Variants in PRKN observed in about 807,000 individuals in gnomAD.
PRKN encodes the protein E3 ubiquitin-protein ligase parkin.
Under a neutral mutation model 59.5 loss-of-function variants are expected in PRKN, and 56 were observed. The observed-to-expected ratio is 0.94, with a 90% CI of 0.76 to 1.18. PRKN has a LOEUF of 1.18. Among genes scored for constraint, PRKN ranks in the 50% most tolerant of loss-of-function variants. PRKN has a pLI of 0.00. For synonymous variants in PRKN, 250 were observed against 222.1 expected, an observed-to-expected ratio of 1.13 and a Z score of -1.12; for missense variants, 657 against 596.4, an observed-to-expected ratio of 1.10 and a Z score of -1.06.
intron 2 of PRKN, among the ~76,000 whole-genome samples, chr6:162,434,745 C>G (rs1446379178): frequency 1.3e-5 from 2 of 152,028 alleles, no homozygotes; most frequent in African/African-American, 4.8e-5. Context: ...TGACCCAAGC[C>G]CATATATAAA....
At chr6:161,907,617 C>T (rs779159759) in intron 6 of PRKN, among the ~76,000 whole-genome samples, 5 of 151,828 alleles carry the variant, frequency 3.3e-5, no homozygotes, top group South Asian at 2.1e-4. Context: ...GCACTGGGGA[C>T]GTAAGAGAGG....
intron 2 of PRKN, among the ~76,000 whole-genome samples, chr6:162,337,086 A>G (rs1385828046): frequency 1.3e-5 from 2 of 152,206 alleles, no homozygotes; most frequent in African/African-American, 2.4e-5. Flanking sequence ...TCTTGTGACT[A>G]CAAATATTGA....
intron 2 of PRKN, among the ~76,000 whole-genome samples, chr6:162,306,613 A>AG (rs1782239474): frequency 6.6e-6 from 1 of 152,222 alleles, no homozygotes; most frequent in African/African-American, 2.4e-5. Context: ...GTATATGCTC[A>AG]GCTGCACACA....
rs148290824 is a variant in PRKN at position 161,428,365 on chromosome 6, C to T, written c.1084-41488G>A. ...CAGAGAGGGGCAGAGGGAGGCAGGA[C>T]GGGCTGCTGGGGTGGAGAGTGCAGA... On this transcript the variant is annotated intron_variant, in intron 9 of 11. Coordinates refer to ENST00000366898, the MANE Select transcript of PRKN (RefSeq NM_004562.3). This position sits in a 1 kb window ranked among gnomAD's most constrained non-coding sequence, Gnocchi z 4.0. Among the ~76,000 whole-genome samples the T allele has an allele frequency of 6.8e-4, 104 of 152,224 alleles. No homozygotes were observed. Among genetic ancestry groups the T allele is most frequent in the African/African-American group, 2.3e-3 (97 of 41,530 alleles).
intron 1 of PRKN, among the ~76,000 whole-genome samples, chr6:162,485,919 A>G (rs1479406699): frequency 6.6e-6 from 1 of 152,252 alleles, no homozygotes; most frequent in East Asian, 1.9e-4. Context: ...ATAATCTTCT[A>G]TCGCATATGC....
intron 1 of PRKN, among the ~76,000 whole-genome samples, chr6:162,715,394 C>T (rs940530086): frequency 8.5e-5 from 13 of 152,114 alleles, no homozygotes; most frequent in African/African-American, 3.1e-4. Flanking sequence ...GAATGAAATT[C>T]GGTTTTTAAA....
At chr6:162,201,923 A>G (rs1784748105) in intron 3 of PRKN, among the ~76,000 whole-genome samples, 1 of 152,204 alleles carries the variant, frequency 6.6e-6, no homozygotes, top group Non-Finnish European at 1.5e-5. Context: ...AACTAATTCA[A>G]TAGTTCAATC....
intron 6 of PRKN, among the ~76,000 whole-genome samples, chr6:161,808,337 A>G (rs1397440735): frequency 1.3e-5 from 2 of 152,214 alleles, no homozygotes; most frequent in Non-Finnish European, 2.9e-5. Flanking sequence ...AAAGCACTGT[A>G]TCAATGTTAA....
chr6:161,520,997 T>C (rs185979674), intron 9 of PRKN, among the ~76,000 whole-genome samples: 1 of 152,320 alleles, frequency 6.6e-6, no homozygotes, highest in Non-Finnish European at 1.5e-5. Flanking sequence ...TTGGTCATTA[T>C]TACGAATAAA....
intron 5 of PRKN, among the ~76,000 whole-genome samples, chr6:161,999,317 G>A: frequency 6.6e-6 from 1 of 152,076 alleles, no homozygotes; most frequent in East Asian, 1.9e-4. Flanking sequence ...ATTTCAGGAA[G>A]TGAACTCCTC....
At position 161,458,913 on chromosome 6, in the gene PRKN, GTT is replaced by G. The variant is rs11311692; in HGVS notation, c.1084-72038_1084-72037del. Reference sequence around the variant, plus strand: ...TATAATTACCAGAAGCCATTTTCATGTTTTTTTTTTTCTTTTTAAAGTGCATA... The same window carrying G: ...TATAATTACCAGAAGCCATTTTCATGTTTTTTTTTCTTTTTAAAGTGCATA... On this transcript the variant is annotated intron_variant, in intron 9 of 11. Coordinates refer to ENST00000366898, the MANE Select transcript of PRKN (RefSeq NM_004562.3). The surrounding 1 kb of genome is among the most constrained non-coding windows in gnomAD (Gnocchi z 6.1). Among the ~76,000 whole-genome samples the G allele has an allele frequency of 3.4e-5, 5 of 148,812 alleles. No individual in the cohort carries two copies. The highest frequency in any genetic ancestry group is 9.8e-5 in the African/African-American group (4 of 40,806).
rs189330016 is a variant in PRKN at position 162,620,479 on chromosome 6, C to T, written c.7+107183G>A. Among the ~76,000 whole-genome samples, 103 of 152,242 alleles carry T rather than the reference C, an allele frequency of 6.8e-4. No homozygotes were observed. In the East Asian group the frequency reaches 9.8e-3, roughly 15 times the overall value. Reference sequence around the variant, plus strand: ...TATGACTACTGAATACTATTCATTGCAAAATGTAGTAGTGTAATTAGATCC... The same window carrying T: ...TATGACTACTGAATACTATTCATTGTAAAATGTAGTAGTGTAATTAGATCC... On this transcript the variant is annotated intron_variant, in intron 1 of 11. Transcript: ENST00000366898.
At chr6:161,730,245 AG>A (rs1787630329) in intron 7 of PRKN, among the ~76,000 whole-genome samples, 1 of 130,296 alleles carries the variant, frequency 7.7e-6, no homozygotes, top group Non-Finnish European at 1.6e-5. Context: ...GATATGTTGC[AG>A]TCTGATGTGT....
intron 4 of PRKN, among the ~76,000 whole-genome samples, chr6:162,062,471 C>A (rs141654872): frequency 6.6e-6 from 1 of 152,250 alleles, no homozygotes; most frequent in African/African-American, 2.4e-5. Flanking sequence ...GTACTAACCC[C>A]CAGTTCCTCA....
chr6:161,453,625 C>T (rs549190151), intron 9 of PRKN, among the ~76,000 whole-genome samples: 4 of 152,270 alleles, frequency 2.6e-5, no homozygotes, highest in Admixed American at 2.0e-4. Context: ...CTGGCCCGCC[C>T]TGTAGGATTC....
intron 7 of PRKN, among the ~76,000 whole-genome samples, chr6:161,750,543 G>A (rs1165896320): frequency 1.3e-5 from 2 of 151,988 alleles, no homozygotes; most frequent in Non-Finnish European, 2.9e-5. Context: ...CGAGGCGGGT[G>A]GATCACTTGA....
intron 2 of PRKN, among the ~76,000 whole-genome samples, chr6:162,427,740 G>C (rs1289109636): frequency 6.6e-6 from 1 of 151,730 alleles, no homozygotes; most frequent in Non-Finnish European, 1.5e-5. Flanking sequence ...CCACTTCGCG[G>C]GTTCACACCA....
intron 1 of PRKN, among the ~76,000 whole-genome samples, chr6:162,613,762 C>A (rs9458617): frequency 0.079 from 12,050 of 152,036 alleles, 655 homozygotes; most frequent in East Asian, 0.3. Context: ...TGATAAAATG[C>A]CTTACAGACT....
intron 2 of PRKN, among the ~76,000 whole-genome samples, chr6:162,350,163 T>C (rs1167857198): frequency 3.3e-5 from 5 of 151,968 alleles, no homozygotes; most frequent in East Asian, 1.9e-4. Flanking sequence ...AGAAGAGACA[T>C]TGAAAACCCA....
Sources: gnomAD v4.1 joint callset for allele counts (sites outside exome capture counted in the v4.1 genomes callset) on GRCh38, gnomAD v4.1.1 for gene constraint, Gnocchi (gnomAD v3.1) non-coding constraint, MANE v1.5 for transcripts, NCBI Gene and HGNC (gene_info 2026-07-23, HGNC 2026-07-21) for gene names.